The following CYSLTR2 variants were observed in gnomAD, a reference collection of about 807,000 sequenced individuals.
CYSLTR2 encodes cysteinyl leukotriene receptor 2, also known as G-protein coupled receptor GPCR21.
For synonymous variants in CYSLTR2, 179 were observed against 160.8 expected (o/e 1.11, Z -0.86); for missense variants, 398 against 411.9 (o/e 0.97, Z 0.29).
chr13:48,703,315 T>C (rs1325449424), intron 4 of CYSLTR2, among the ~76,000 whole-genome samples: 1 of 152,176 alleles, frequency 6.6e-6, no homozygotes, highest in Non-Finnish European at 1.5e-5. Context: ...CCTTTTTGTG[T>C]TTTTGCCTCA....
chr13:48,674,291 T>G (rs1953535517), intron 1 of CYSLTR2, among the ~76,000 whole-genome samples: 1 of 152,184 alleles, frequency 6.6e-6, no homozygotes, highest in Non-Finnish European at 1.5e-5. Context: ...TTTCATATAG[T>G]CACATATTTT....
At chr13:48,681,153 G>C (rs1306429769) in intron 1 of CYSLTR2, among the ~76,000 whole-genome samples, 1 of 152,030 alleles carries the variant, frequency 6.6e-6, no homozygotes, top group African/African-American at 2.4e-5. Context: ...GTAGCCCCCT[G>C]TGGGGCCTAA....
At chr13:48,654,263 G>T (rs1952944309) in intron 1 of CYSLTR2, among the ~76,000 whole-genome samples, 1 of 99,190 alleles carries the variant, frequency 1.0e-5, no homozygotes, top group African/African-American at 3.7e-5. Context: ...GTGTGTGTGT[G>T]TGTGTGTGTG....
At chr13:48,671,965 G>A (rs772671825) in intron 1 of CYSLTR2, among the ~76,000 whole-genome samples, 2 of 151,834 alleles carry the variant, frequency 1.3e-5, no homozygotes, top group African/African-American at 2.4e-5. Context: ...TTCAGAACTT[G>A]TTATTGGTCT....
At chr13:48,685,496 T>C (rs182958248) in intron 1 of CYSLTR2, among the ~76,000 whole-genome samples, 2 of 152,292 alleles carry the variant, frequency 1.3e-5, no homozygotes, top group Admixed American at 1.3e-4. Context: ...TGTCAGAGAA[T>C]AAATTTCTGT....
At chr13:48,699,706 T>TA (rs375159930) in intron 4 of CYSLTR2, among the ~76,000 whole-genome samples, 15,254 of 151,612 alleles carry the variant, frequency 0.1, 1,375 homozygotes, top group African/African-American at 0.24. Context: ...CAAAAACCCT[T>TA]AAAAAAAATC....
At chr13:48,697,834 G>C (rs975693031) in intron 4 of CYSLTR2, among the ~76,000 whole-genome samples, 3 of 152,110 alleles carry the variant, frequency 2.0e-5, no homozygotes, top group African/African-American at 7.2e-5. Flanking sequence ...TGACCTGATG[G>C]AGCTGAAAAC....
intron 2 of CYSLTR2, among the ~76,000 whole-genome samples, chr13:48,693,110 T>TTA (rs1257293246): frequency 6.6e-6 from 1 of 151,616 alleles, no homozygotes; most frequent in Admixed American, 6.6e-5. Context: ...TAATACAATT[T>TTA]TATATATATT....
At chr13:48,686,543 T>A (rs983032325) in intron 1 of CYSLTR2, among the ~76,000 whole-genome samples, 1 of 152,228 alleles carries the variant, frequency 6.6e-6, no homozygotes, top group African/African-American at 2.4e-5. Flanking sequence ...CAGATTATCA[T>A]ACCCAAGCAA....
intron 1 of CYSLTR2, among the ~76,000 whole-genome samples, chr13:48,679,024 T>C (rs1465729716): frequency 6.6e-6 from 1 of 152,146 alleles, no homozygotes; most frequent in Non-Finnish European, 1.5e-5. Context: ...GCCCTCAGGA[T>C]GAAATCCCAA....
chr13:48,673,313 G>T (rs1953495120), intron 1 of CYSLTR2, among the ~76,000 whole-genome samples: 1 of 151,916 alleles, frequency 6.6e-6, no homozygotes, highest in Non-Finnish European at 1.5e-5. Flanking sequence ...TATATATTTA[G>T]CATAGTTAGC....
At position 48,707,219 on chromosome 13, in the gene CYSLTR2, T is replaced by A; in HGVS notation, c.402T>A (p.Val134=). 4 of 1,614,224 alleles carry A rather than the reference T, an allele frequency of 2.5e-6. No individual in the cohort carries two copies. Among genetic ancestry groups the A allele is most frequent in the Non-Finnish European group, 3.4e-6 (4 of 1,180,050 alleles). Residue 134 remains valine (V), a synonymous_variant, in exon 5 of 5, where the codon GTT becomes GTA. Transcript: ENST00000682523. ...TTTATTTCCTGACCGTGCTGAGTGT[T>A]GTGCGTTTCCTGGCAATGGTTCACC... ...SSIYFLTVLS[V]VRFLAMVHPF...
chr13:48,696,811 G>C (rs985465470), intron 4 of CYSLTR2, among the ~76,000 whole-genome samples, 185 bp downstream of exon 4: 1 of 152,174 alleles, frequency 6.6e-6, no homozygotes, highest in African/African-American at 2.4e-5. Context: ...TTTTCCAACT[G>C]CCTTAGCAAA....
At chr13:48,690,552 A>G (rs1420434648) in intron 1 of CYSLTR2, among the ~76,000 whole-genome samples, 3 of 152,166 alleles carry the variant, frequency 2.0e-5, no homozygotes, top group Non-Finnish European at 4.4e-5. Context: ...GTGATGGATT[A>G]CGTTTATTGA....
chr13:48,684,364 G>T (rs546685143), intron 1 of CYSLTR2, among the ~76,000 whole-genome samples: 14 of 151,886 alleles, frequency 9.2e-5, no homozygotes, highest in South Asian at 2.1e-4. Context: ...TCTATAGAGA[G>T]ATGGCATCAA....
In CYSLTR2 at chr13:48,700,687, AAAT is replaced by A. The variant is rs1474111596; in HGVS notation, c.-2+4064_-2+4066del. 2.0e-5 allele frequency among the ~76,000 whole-genome samples: 3 copies of A among 152,190 alleles called. No homozygotes were observed. In the South Asian group the frequency reaches 6.2e-4, roughly 31 times the overall value. On this transcript the variant is annotated intron_variant, in intron 4 of 4. Transcript: ENST00000682523. ...GCCAGGGCAATCAGGCAAGAGAAAG[AAAT>A]AAAGGGTATTAAATTAGGAAAAGAG...
At position 48,681,366 on chromosome 13, in the gene CYSLTR2, T is replaced by G. The variant is rs542725869; in HGVS notation, c.-265-9846T>G. Among the ~76,000 whole-genome samples the G allele has an allele frequency of 1.1e-4, 16 of 152,334 alleles. No individual in the cohort carries two copies. In the East Asian group the frequency reaches 2.9e-3, roughly 28 times the overall value. On this transcript the variant is annotated intron_variant, in intron 1 of 4. Transcript: ENST00000682523. ...TCTTGGCGTTCTTGGTCTGAGTCTCTGCGCTCAAGGCTTTGTCTAATTCAG... is the reference window on the plus strand; with the variant it reads ...TCTTGGCGTTCTTGGTCTGAGTCTCGGCGCTCAAGGCTTTGTCTAATTCAG...
chr13:48,703,087 G>A (rs1279092091), intron 4 of CYSLTR2, among the ~76,000 whole-genome samples: 1 of 152,056 alleles, frequency 6.6e-6, no homozygotes, highest in Non-Finnish European at 1.5e-5. Context: ...GTGCTCATAT[G>A]TGTATTACTA....
At chr13:48,673,350 CA>C (rs1257158895) in intron 1 of CYSLTR2, among the ~76,000 whole-genome samples, 2 of 148,230 alleles carry the variant, frequency 1.3e-5, no homozygotes, top group Non-Finnish European at 3.0e-5. Flanking sequence ...ATCGCTTTAT[CA>C]TTATGTGATT....
Sources: gnomAD v4.1 joint callset for allele counts (sites outside exome capture counted in the v4.1 genomes callset) on GRCh38, gnomAD v4.1.1 for gene constraint, MANE v1.5 for transcripts, NCBI Gene and HGNC (gene_info 2026-07-23, HGNC 2026-07-21) for gene names.